ADGRB3: variants seen among roughly 807,000 people sequenced by gnomAD.
ADGRB3 encodes adhesion G protein-coupled receptor B3.
Under a neutral mutation model 193.4 loss-of-function variants are expected in ADGRB3, and 37 were observed. The ratio of observed to expected loss-of-function variants is 0.19; its 90% CI spans 0.15 to 0.25. The LOEUF is 0.25. ADGRB3 is among the 10% of genes least tolerant of loss of function. The pLI is 1.00. For synonymous variants in ADGRB3, 690 were observed against 644.2 expected (o/e 1.07, Z -1.08); for missense variants, 1,637 against 1,852.9 (o/e 0.88, Z 2.14).
At position 69,256,453 on chromosome 6, in the gene ADGRB3, C is replaced by T. The variant is rs1003352189; in HGVS notation, c.2814+17227C>T. On this transcript the variant is annotated intron_variant, in intron 20 of 31. Transcript: ENST00000370598. ...AAGGTGGATTCCTAGGTATTTTATTCTCTTTGAAGCAATTGTGAATGGGCG... is the reference window on the plus strand; with the variant it reads ...AAGGTGGATTCCTAGGTATTTTATTTTCTTTGAAGCAATTGTGAATGGGCG... Among the ~76,000 whole-genome samples the T allele has an allele frequency of 7.9e-5, 12 of 152,172 alleles. 1 individual carries two copies. Among genetic ancestry groups the T allele is most frequent in the Admixed American group, 1.3e-4 (2 of 15,272 alleles).
intron 17 of ADGRB3, among the ~76,000 whole-genome samples, chr6:69,137,732 G>C (rs1290259027): frequency 6.6e-6 from 1 of 152,144 alleles, no homozygotes; most frequent in Non-Finnish European, 1.5e-5. Flanking sequence ...GGGAAGCTGA[G>C]GATGCAGTGG....
chr6:68,673,699 C>T (rs1769017821), intron 3 of ADGRB3, among the ~76,000 whole-genome samples: 1 of 152,024 alleles, frequency 6.6e-6, no homozygotes, highest in Non-Finnish European at 1.5e-5. Context: ...AAACAATTTC[C>T]CTGGCTTTTT....
chr6:68,649,880 C>G (rs887628441), intron 3 of ADGRB3, among the ~76,000 whole-genome samples: 8 of 152,194 alleles, frequency 5.3e-5, no homozygotes, highest in African/African-American at 1.9e-4. Flanking sequence ...TGACCTCCCT[C>G]TTTGATGCTC....
intron 3 of ADGRB3, among the ~76,000 whole-genome samples, chr6:68,746,016 A>T (rs914006082): frequency 6.6e-6 from 1 of 152,134 alleles, no homozygotes; most frequent in Non-Finnish European, 1.5e-5. Flanking sequence ...AAACAACTGT[A>T]AAAATTTTCT....
At position 69,065,802 on chromosome 6, in the gene ADGRB3, T is replaced by C. The variant is rs77067289; in HGVS notation, c.2436+2766T>C. On this transcript the variant is annotated intron_variant, in intron 16 of 31. Coordinates refer to ENST00000370598, the MANE Select transcript of ADGRB3 (RefSeq NM_001704.3). ...ACACACACACACACACACACACATA[T>C]GTACATATATTCAGTTGGCCCTCAG... 0.017 allele frequency among the ~76,000 whole-genome samples: 1,760 copies of C among 105,086 alleles called. 30 individuals carry two copies. The East Asian group carries it at 0.21, about 13-fold the overall frequency. The allele number at this position is 105,086 out of a possible 152,430, so 68.9% of individuals were successfully genotyped here.
chr6:68,738,340 G>A (rs989044815), intron 3 of ADGRB3, among the ~76,000 whole-genome samples: 1 of 151,970 alleles, frequency 6.6e-6, no homozygotes, highest in African/African-American at 2.4e-5. Flanking sequence ...GAGCAAAATG[G>A]GGACTGACTG....
chr6:68,971,453 G>A (rs191503707), intron 8 of ADGRB3, among the ~76,000 whole-genome samples: 6 of 152,188 alleles, frequency 3.9e-5, no homozygotes, highest in Middle Eastern at 3.4e-3. Flanking sequence ...TGCCAATATC[G>A]TATTTTCAAT....
Position 69,361,104 on chromosome 6 carries a change from G to A in ADGRB3, c.3831G>A (p.Leu1277=). The A allele has an allele frequency of 1.2e-6, 2 of 1,612,874 alleles. No homozygotes were observed. The highest frequency in any genetic ancestry group is 2.2e-5 in the East Asian group (1 of 44,840). ...GTTTGAAAAAAGAAAATAGTGAATT[G>A]CGGAGAACTGTGTACTTATGTACGG... ...NPCLKKENSE[L]RRTVYLCTDD... Residue 1277 remains leucine (L), a synonymous_variant, in exon 29 of 32, where the codon TTG becomes TTA. Coordinates refer to ENST00000370598, the MANE Select transcript of ADGRB3 (RefSeq NM_001704.3).
intron 29 of ADGRB3, among the ~76,000 whole-genome samples, chr6:69,365,505 G>C (rs1253116840): frequency 6.6e-6 from 1 of 151,902 alleles, no homozygotes; most frequent in Non-Finnish European, 1.5e-5. Context: ...GAATTTTTGT[G>C]GACCATCTTG....
chr6:68,748,909 G>A (rs1295920837), intron 3 of ADGRB3, among the ~76,000 whole-genome samples: 2 of 152,164 alleles, frequency 1.3e-5, no homozygotes, highest in African/African-American at 4.8e-5. Context: ...TAACATCTGT[G>A]CATCCACAGG....
At chr6:68,749,693 C>T (rs1766158387) in intron 3 of ADGRB3, among the ~76,000 whole-genome samples, 1 of 151,924 alleles carries the variant, frequency 6.6e-6, no homozygotes, top group Admixed American at 6.6e-5. Flanking sequence ...ATTTTCTCAG[C>T]AATAATCATA....
At chr6:68,892,740 A>G (rs1363343695) in intron 3 of ADGRB3, among the ~76,000 whole-genome samples, 1 of 152,182 alleles carries the variant, frequency 6.6e-6, no homozygotes, top group Non-Finnish European at 1.5e-5. Context: ...GTTTGTTGTT[A>G]TCAGTATATT....
chr6:69,289,117 G>A (rs987558056), intron 20 of ADGRB3, among the ~76,000 whole-genome samples: 3 of 152,118 alleles, frequency 2.0e-5, no homozygotes, highest in Non-Finnish European at 4.4e-5. Context: ...TCCTGAGAGC[G>A]TCCAGTTTTC....
intron 16 of ADGRB3, among the ~76,000 whole-genome samples, chr6:69,065,760 TATATACACACAC>T (rs1159578679): frequency 8.5e-6 from 1 of 118,132 alleles, no homozygotes; most frequent in Non-Finnish European, 1.9e-5. Context: ...TTCATGTATA[TATATACACACAC>T]ACACACACAC....
At chr6:68,903,007 A>G (rs1766440348) in intron 3 of ADGRB3, among the ~76,000 whole-genome samples, 1 of 152,218 alleles carries the variant, frequency 6.6e-6, no homozygotes, top group Admixed American at 6.5e-5. Context: ...ACAGGCATAG[A>G]CTATTTAAAA....
intron 3 of ADGRB3, among the ~76,000 whole-genome samples, chr6:68,836,576 G>A (rs960624745): frequency 1.3e-5 from 2 of 152,136 alleles, no homozygotes; most frequent in Non-Finnish European, 2.9e-5. Flanking sequence ...ATTCTGATGA[G>A]CTGTCTGCTG....
At chr6:68,671,218 C>T (rs903520001) in intron 3 of ADGRB3, among the ~76,000 whole-genome samples, 5 of 151,950 alleles carry the variant, frequency 3.3e-5, no homozygotes, top group African/African-American at 1.2e-4. Flanking sequence ...AATTTGACTT[C>T]TCCCTTTCCA....
At chr6:68,865,244 AT>A (rs11356253) in intron 3 of ADGRB3, among the ~76,000 whole-genome samples, 87,962 of 151,670 alleles carry the variant, frequency 0.58, 27,688 homozygotes, top group Non-Finnish European at 0.69. Flanking sequence ...TATAATATAC[AT>A]TTTTTTTCTG....
intron 20 of ADGRB3, among the ~76,000 whole-genome samples, chr6:69,278,755 T>G (rs533494464): frequency 2.0e-5 from 3 of 152,232 alleles, no homozygotes; most frequent in Admixed American, 1.3e-4. Context: ...CCTTTCTGAT[T>G]TGGTCTCAGT....
Sources: gnomAD v4.1 joint callset for allele counts (sites outside exome capture counted in the v4.1 genomes callset) on GRCh38, gnomAD v4.1.1 for gene constraint, MANE v1.5 for transcripts, NCBI Gene and HGNC (gene_info 2026-07-23, HGNC 2026-07-21) for gene names.